The following ZBBX variants were observed in gnomAD, a reference collection of about 807,000 sequenced individuals.
ZBBX encodes the protein zinc finger B-box domain containing, also known as zinc finger B-box domain-containing protein 1.
Under a neutral mutation model 108.5 loss-of-function variants are expected in ZBBX, and 101 were observed. That is an observed-to-expected ratio of 0.93 (90% confidence interval 0.79 to 1.10). The LOEUF is 1.10. ZBBX is among the 50% of genes least tolerant of loss of function. The pLI is 0.00. For missense variants in ZBBX, 1,009 were observed against 941.4 expected, an observed-to-expected ratio of 1.07 and a Z score of -0.94; for synonymous variants, 356 against 323.4, an observed-to-expected ratio of 1.10 and a Z score of -1.08.
chr3:167,243,574 T>C (rs1437351208), intron 20 of ZBBX, among the ~76,000 whole-genome samples: 3 of 152,036 alleles, frequency 2.0e-5, no homozygotes, highest in Non-Finnish European at 2.9e-5. Context: ...AATTTTGTAT[T>C]TTTAGTAGAG....
At chr3:167,223,454 G>A in the ZBBX span, among the ~76,000 whole-genome samples, 1,359 of 151,990 alleles carry the variant, frequency 8.9e-3, 28 homozygotes, top group African/African-American at 0.031. Flanking sequence ...ATCCTGGGAG[G>A]GATTTTGTGT....
intron 12 of ZBBX, among the ~76,000 whole-genome samples, chr3:167,319,516 A>G (rs543446704): frequency 5.3e-5 from 8 of 152,064 alleles, no homozygotes; most frequent in Non-Finnish European, 1.0e-4. Context: ...TTTAAAAATC[A>G]GTGAGGATAT....
chr3:167,243,817 C>T (rs931447311), intron 20 of ZBBX, among the ~76,000 whole-genome samples: 6 of 146,000 alleles, frequency 4.1e-5, no homozygotes, highest in Non-Finnish European at 6.0e-5. Flanking sequence ...TAGAGATTTC[C>T]CTACTGAAAG....
chr3:167,319,579 G>A lies in ZBBX; in HGVS notation c.984-1982C>T, dbSNP rs539205126. ...ACCTTAAAGGAGGTAAGAAATAAAT[G>A]AGCACTATGGCCAAAGTAATGTTGG... On this transcript the variant is annotated intron_variant, in intron 12 of 21. Transcript: ENST00000675490. Among the ~76,000 whole-genome samples the A allele has an allele frequency of 1.1e-4, 16 of 152,084 alleles. No individual in the cohort carries two copies. In the South Asian group the frequency reaches 2.9e-3, roughly 28 times the overall value.
downstream of ZBBX, among the ~76,000 whole-genome samples, chr3:167,236,529 T>C (rs761729559): frequency 1.3e-5 from 2 of 151,824 alleles, no homozygotes; most frequent in Non-Finnish European, 2.9e-5. Flanking sequence ...TTCTCCATTT[T>C]ATAATTAAGA....
At chr3:167,363,135 TTA>T (rs994580479) in intron 6 of ZBBX, among the ~76,000 whole-genome samples, 10 of 151,928 alleles carry the variant, frequency 6.6e-5, no homozygotes, top group African/African-American at 2.4e-4. Flanking sequence ...CTCAATCACC[TTA>T]TCTCTTCCTT....
the ZBBX span, among the ~76,000 whole-genome samples, chr3:167,208,930 C>T: frequency 6.6e-6 from 1 of 152,070 alleles, no homozygotes; most frequent in Non-Finnish European, 1.5e-5. Context: ...AGAAGAGAGG[C>T]CACTGCATTA....
chr3:167,350,290 T>C, intron 9 of ZBBX, 130 bp downstream of exon 9: 1 of 590,124 alleles, frequency 1.7e-6, no homozygotes, highest in Non-Finnish European at 2.9e-6. Flanking sequence ...CAGGATTGTC[T>C]GTATATAATA....
upstream of ZBBX, among the ~76,000 whole-genome samples, chr3:167,384,204 G>A (rs1351876119): frequency 2.0e-5 from 3 of 152,208 alleles, no homozygotes; most frequent in Admixed American, 2.0e-4. Context: ...AGGAGGACAA[G>A]AGACACTTTT....
At chr3:167,342,212 C>T (rs1423444980) in intron 9 of ZBBX, among the ~76,000 whole-genome samples, 2 of 151,652 alleles carry the variant, frequency 1.3e-5, no homozygotes, top group Non-Finnish European at 3.0e-5. Flanking sequence ...AGCAAACAAA[C>T]TACTGTAAAA....
the ZBBX span, among the ~76,000 whole-genome samples, chr3:167,190,377 C>CTTTT: frequency 2.6e-5 from 3 of 113,654 alleles, no homozygotes; most frequent in Admixed American, 9.5e-5. Flanking sequence ...AACTTACCTA[C>CTTTT]TTTTTTTTTT....
intron 10 of ZBBX, among the ~76,000 whole-genome samples, chr3:167,332,303 A>ACC (rs1346536162): frequency 4.0e-5 from 6 of 151,598 alleles, no homozygotes; most frequent in African/African-American, 1.2e-4. Flanking sequence ...ACACACACAC[A>ACC]CACGTCTGAA....
the ZBBX span, among the ~76,000 whole-genome samples, chr3:167,204,393 C>T: frequency 2.1e-5 from 3 of 139,544 alleles, no homozygotes; most frequent in South Asian, 7.5e-4. Flanking sequence ...CCTCCCCCCT[C>T]CCCTGACCCC....
intron 9 of ZBBX, among the ~76,000 whole-genome samples, chr3:167,348,353 AAAGAAAGAAAGAAAG>A (rs1407144827): frequency 1.7e-5 from 2 of 117,728 alleles, no homozygotes; most frequent in African/African-American, 6.6e-5. Context: ...AGAAAGAAAG[AAAGAAAGAAAGAAAG>A]AAAAAAAAGA....
intron 2 of ZBBX, among the ~76,000 whole-genome samples, chr3:167,376,580 C>T (rs184146203): frequency 5.3e-4 from 81 of 152,128 alleles, no homozygotes; most frequent in African/African-American, 1.9e-3. Context: ...ATATATAAAG[C>T]TAAACTGATA....
intron 20 of ZBBX, among the ~76,000 whole-genome samples, chr3:167,279,087 G>C (rs996269109): frequency 4.0e-5 from 6 of 150,686 alleles, no homozygotes; most frequent in Non-Finnish European, 8.9e-5. Flanking sequence ...ATTAGGCATT[G>C]ATGGGACATA....
intron 17 of ZBBX, among the ~76,000 whole-genome samples, chr3:167,300,775 G>C (rs1279529116): frequency 6.6e-6 from 1 of 151,682 alleles, no homozygotes; most frequent in Non-Finnish European, 1.5e-5. Flanking sequence ...CTGCCACCAC[G>C]CCCAGCTAAT....
At chr3:167,272,564 T>TAA (rs1726722187) in intron 20 of ZBBX, among the ~76,000 whole-genome samples, 1 of 152,156 alleles carries the variant, frequency 6.6e-6, no homozygotes, top group African/African-American at 2.4e-5. Context: ...CCCCTCAAAC[T>TAA]AAAGCTAAGA....
the ZBBX span, among the ~76,000 whole-genome samples, chr3:167,223,153 G>A: frequency 4.6e-5 from 7 of 151,756 alleles, no homozygotes; most frequent in Non-Finnish European, 5.9e-5. Flanking sequence ...CTTATCATTA[G>A]AGACTCTACT....
Sources: gnomAD v4.1 joint callset for allele counts (sites outside exome capture counted in the v4.1 genomes callset) on GRCh38, gnomAD v4.1.1 for gene constraint, MANE v1.5 for transcripts, NCBI Gene and HGNC (gene_info 2026-07-23, HGNC 2026-07-21) for gene names.